Variants in ARHGAP15 observed in about 807,000 individuals in gnomAD.
ARHGAP15 encodes Rho GTPase activating protein 15.
In ARHGAP15, 51 loss-of-function variants were observed where a neutral mutation model predicts 63.7. That is an observed-to-expected ratio of 0.80 (90% CI 0.64 to 1.01). The LOEUF is 1.01. Ranked by LOEUF, ARHGAP15 falls within the 50% of genes least tolerant of loss-of-function variation. The probability of loss-of-function intolerance (pLI) is 0.00; values close to 1 mark genes in which losing one functional copy is unlikely to be tolerated. For synonymous variants in ARHGAP15, 191 were observed against 193.8 expected, an observed-to-expected ratio of 0.99 and a Z score of 0.12; for missense variants, 560 against 564.6, an observed-to-expected ratio of 0.99 and a Z score of 0.08.
chr2:143,177,690 G>A (rs1051178931), intron 2 of ARHGAP15, among the ~76,000 whole-genome samples: 1 of 152,076 alleles, frequency 6.6e-6, no homozygotes, highest in African/African-American at 2.4e-5. Flanking sequence ...TCTAACATAT[G>A]ATTTGCTTTT....
chr2:143,204,472 G>T (rs1692247660), intron 3 of ARHGAP15, among the ~76,000 whole-genome samples: 1 of 152,126 alleles, frequency 6.6e-6, no homozygotes, highest in African/African-American at 2.4e-5. Context: ...CAAAAAGAGG[G>T]CAAGAGAACT....
At position 143,544,374 on chromosome 2, in the gene ARHGAP15, A is replaced by G. The variant is rs151261775; in HGVS notation, c.926-12034A>G. ...AGTGGATCTGTGGGGACATAAACTCATAAGTATATATTATCAAATAATTTC... is the reference window on the plus strand; with the variant it reads ...AGTGGATCTGTGGGGACATAAACTCGTAAGTATATATTATCAAATAATTTC... On this transcript the variant is annotated intron_variant, in intron 10 of 13. Transcript: ENST00000295095. 7.4e-4 allele frequency among the ~76,000 whole-genome samples: 113 copies of G among 152,290 alleles called. 2 individuals are homozygous for G. The highest frequency in any genetic ancestry group is 6.8e-3 in the Admixed American group (104 of 15,288).
At chr2:143,134,131 CTAT>C (rs1689030182) in intron 1 of ARHGAP15, among the ~76,000 whole-genome samples, 1 of 30,818 alleles carries the variant, frequency 3.2e-5, no homozygotes, top group East Asian at 5.0e-4. Flanking sequence ...ATCTATCTAT[CTAT>C]CTATCTATCT....
intron 12 of ARHGAP15, among the ~76,000 whole-genome samples, chr2:143,673,071 G>A (rs957153550): frequency 6.6e-6 from 1 of 152,084 alleles, no homozygotes; most frequent in African/African-American, 2.4e-5. Context: ...CCATGATTGT[G>A]CCAGCTTTCC....
intron 6 of ARHGAP15, among the ~76,000 whole-genome samples, chr2:143,416,831 CCCCACGCCCCCACG>C (rs1457204018): frequency 3.4e-4 from 27 of 79,574 alleles, no homozygotes; most frequent in East Asian, 1.1e-3. Context: ...ACCCCCCCAC[CCCCACGCCCCCACG>C]CCCCCACGCC....
At chr2:143,471,348 GGACCAGAGTCTCTAGAACTGA>G (rs2105189506) in intron 8 of ARHGAP15, among the ~76,000 whole-genome samples, 1 of 150,928 alleles carries the variant, frequency 6.6e-6, no homozygotes, top group South Asian at 2.1e-4. Context: ...AGATTATCTG[GGACCAGAGTCTCTAGAACTGA>G]GACTAGAGTC....
chr2:143,728,581 T>C (rs898440020), intron 13 of ARHGAP15, among the ~76,000 whole-genome samples: 6 of 152,200 alleles, frequency 3.9e-5, no homozygotes, highest in Non-Finnish European at 7.3e-5. Context: ...TCTAGTATGA[T>C]TTTTCAGTCA....
At chr2:143,472,822 A>G (rs1215352087) in intron 8 of ARHGAP15, among the ~76,000 whole-genome samples, 5 of 152,152 alleles carry the variant, frequency 3.3e-5, no homozygotes, top group African/African-American at 9.7e-5. Context: ...AGATCTTTTT[A>G]TCCTTATTAT....
At chr2:143,463,734 A>G (rs753729776) in intron 8 of ARHGAP15, among the ~76,000 whole-genome samples, 10 of 152,136 alleles carry the variant, frequency 6.6e-5, no homozygotes, top group Non-Finnish European at 1.0e-4. Context: ...GTAAAATAAT[A>G]TACCTTCTGA....
chr2:143,170,215 C>T (rs1043013338), intron 2 of ARHGAP15, among the ~76,000 whole-genome samples: 2 of 152,036 alleles, frequency 1.3e-5, no homozygotes, highest in African/African-American at 4.8e-5. Flanking sequence ...ATCACCTCTG[C>T]GTTTTATTAT....
intron 8 of ARHGAP15, among the ~76,000 whole-genome samples, chr2:143,474,975 C>G (rs897976588): frequency 6.6e-6 from 1 of 152,174 alleles, no homozygotes; most frequent in Non-Finnish European, 1.5e-5. Flanking sequence ...AAAAGGGTGG[C>G]TGGAAGCAGA....
intron 1 of ARHGAP15, among the ~76,000 whole-genome samples, chr2:143,136,598 C>T (rs1375458029): frequency 1.3e-5 from 2 of 152,018 alleles, no homozygotes; most frequent in Non-Finnish European, 2.9e-5. Context: ...GACTCCTGTG[C>T]TGTAATTTGT....
chr2:143,437,607 A>G (rs1574449113), intron 8 of ARHGAP15, among the ~76,000 whole-genome samples: 1 of 152,198 alleles, frequency 6.6e-6, no homozygotes, highest in Admixed American at 6.5e-5. Context: ...CACTACTTAC[A>G]CAGTGATCTT....
intron 6 of ARHGAP15, among the ~76,000 whole-genome samples, chr2:143,336,891 C>T (rs910772349): frequency 6.6e-6 from 1 of 152,084 alleles, no homozygotes; most frequent in Non-Finnish European, 1.5e-5. Flanking sequence ...GTGCCAGGCC[C>T]TAGGCTGGAG....
intron 10 of ARHGAP15, among the ~76,000 whole-genome samples, chr2:143,541,173 T>G (rs1322574925): frequency 6.6e-6 from 1 of 152,244 alleles, no homozygotes; most frequent in Non-Finnish European, 1.5e-5. Flanking sequence ...TCGCATCGGT[T>G]ACTGAGGCTT....
Position 143,721,061 on chromosome 2 carries a change from C to CAAAA in ARHGAP15, c.1244+17553_1244+17556dup, listed in dbSNP as rs60500194. On this transcript the variant is annotated intron_variant, in intron 13 of 13. Coordinates refer to ENST00000295095, the MANE Select transcript of ARHGAP15 (RefSeq NM_018460.4). ...TGGGCGACAGAGCAAGACTCCGTCT[C>CAAAA]AAAAAAAAAAAAAAAAAAATGCAGA... 6.4e-5 allele frequency among the ~76,000 whole-genome samples: 5 copies of CAAAA among 78,430 alleles called. 1 individual carries two copies. The highest frequency in any genetic ancestry group is 3.2e-4 in the Admixed American group (2 of 6,280). The allele number at this position is 78,430 out of a possible 152,430, so 51.5% of individuals were successfully genotyped here. A position where few individuals can be genotyped will look rare whatever the true frequency, so the allele number is the denominator to read the frequency against.
chr2:143,389,193 T>G (rs1197888365), intron 6 of ARHGAP15, among the ~76,000 whole-genome samples: 1 of 151,828 alleles, frequency 6.6e-6, no homozygotes, highest in East Asian at 1.9e-4. Flanking sequence ...AACACAAAAC[T>G]GGCATGCTGG....
At chr2:143,321,089 G>C (rs1450389635) in intron 6 of ARHGAP15, among the ~76,000 whole-genome samples, 1 of 152,066 alleles carries the variant, frequency 6.6e-6, no homozygotes, top group African/African-American at 2.4e-5. Context: ...CTGGCTCTCA[G>C]GGCCCACTAC....
At chr2:143,684,160 A>G (rs777186017) in intron 12 of ARHGAP15, among the ~76,000 whole-genome samples, 2 of 152,204 alleles carry the variant, frequency 1.3e-5, no homozygotes, top group Non-Finnish European at 2.9e-5. Flanking sequence ...ATCTGGGTTC[A>G]GTCTAGTCTT....
Sources: allele counts gnomAD v4.1 joint callset (sites outside exome capture counted in the v4.1 genomes callset), GRCh38; gene constraint gnomAD v4.1.1; transcripts MANE v1.5; gene names NCBI Gene and HGNC (gene_info 2026-07-23, HGNC 2026-07-21).